The following UBE2E2 variants were observed in gnomAD, a reference collection of about 807,000 sequenced individuals.
The protein encoded by UBE2E2 is ubiquitin-conjugating enzyme E2 E2.
In UBE2E2, 6 loss-of-function variants were observed where a neutral mutation model predicts 24.7. The ratio of observed to expected loss-of-function variants is 0.24; its 90% CI spans 0.13 to 0.48. The LOEUF is 0.48. UBE2E2 is among the 20% of genes least tolerant of loss of function. UBE2E2 has a pLI of 0.99. For synonymous variants in UBE2E2, 104 were observed against 83.6 expected (o/e 1.24, Z -1.33); for missense variants, 169 against 245.0 (o/e 0.69, Z 2.07).
At chr3:23,532,921 T>TA (rs879324034) in intron 5 of UBE2E2, among the ~76,000 whole-genome samples, 36 of 151,954 alleles carry the variant, frequency 2.4e-4, no homozygotes, top group African/African-American at 4.1e-4. Flanking sequence ...TATAGTGTGG[T>TA]AAAAAAAATA....
intron 5 of UBE2E2, among the ~76,000 whole-genome samples, chr3:23,544,109 TG>T (rs764185790): frequency 6.6e-6 from 1 of 152,192 alleles, no homozygotes; most frequent in Non-Finnish European, 1.5e-5. Context: ...ATAAAAATTC[TG>T]GAAGAAAACC....
chr3:23,507,726 C>A (rs534976799), intron 4 of UBE2E2, among the ~76,000 whole-genome samples: 1 of 152,172 alleles, frequency 6.6e-6, no homozygotes, highest in East Asian at 1.9e-4. Context: ...GGATTATACA[C>A]TCTGGTATGA....
At chr3:23,428,380 G>A (rs1697978640) in intron 3 of UBE2E2, among the ~76,000 whole-genome samples, 1 of 152,092 alleles carries the variant, frequency 6.6e-6, no homozygotes, top group East Asian at 1.9e-4. Flanking sequence ...AGAATTTGTG[G>A]GATGCAACGA....
At chr3:23,362,514 G>C (rs927416680) in intron 3 of UBE2E2, among the ~76,000 whole-genome samples, 3 of 152,182 alleles carry the variant, frequency 2.0e-5, no homozygotes, top group Non-Finnish European at 2.9e-5. Flanking sequence ...CCTGCTGGAT[G>C]AGGCTTGGTG....
intron 3 of UBE2E2, among the ~76,000 whole-genome samples, chr3:23,360,831 T>C (rs976209165): frequency 3.3e-5 from 5 of 151,586 alleles, no homozygotes; most frequent in African/African-American, 1.2e-4. Context: ...AATTTCTAAA[T>C]AAATGGGACC....
At chr3:23,258,422 G>A (rs1697797051) in intron 3 of UBE2E2, among the ~76,000 whole-genome samples, 1 of 152,174 alleles carries the variant, frequency 6.6e-6, no homozygotes, top group Non-Finnish European at 1.5e-5. Context: ...ACGGACTTTA[G>A]TATGGCCTGT....
chr3:23,334,266 T>C (rs879320019), intron 3 of UBE2E2, among the ~76,000 whole-genome samples: 2 of 152,180 alleles, frequency 1.3e-5, no homozygotes, highest in Non-Finnish European at 2.9e-5. Flanking sequence ...TACTTTATTC[T>C]AGTAAAACTT....
At chr3:23,577,331 A>G (rs748867338) in intron 5 of UBE2E2, among the ~76,000 whole-genome samples, 3 of 67,046 alleles carry the variant, frequency 4.5e-5, no homozygotes, top group Non-Finnish European at 8.1e-5. Context: ...GGAATGATTT[A>G]AAAAAAAAAA....
intron 4 of UBE2E2, among the ~76,000 whole-genome samples, chr3:23,515,952 G>A (rs1317623084): frequency 1.3e-5 from 2 of 152,168 alleles, no homozygotes; most frequent in East Asian, 3.8e-4. Flanking sequence ...CTGGGCAACA[G>A]AGGGAGACCC....
chr3:23,567,710 G>C (rs1002302103), intron 5 of UBE2E2, among the ~76,000 whole-genome samples: 3 of 152,120 alleles, frequency 2.0e-5, no homozygotes, highest in South Asian at 2.1e-4. Flanking sequence ...GTCTAGTCTG[G>C]AAGAACCTGC....
At chr3:23,229,116 A>C (rs1212910347) in intron 3 of UBE2E2, among the ~76,000 whole-genome samples, 2 of 152,172 alleles carry the variant, frequency 1.3e-5, no homozygotes, top group African/African-American at 4.8e-5. Context: ...CCTGCATTTC[A>C]GGTAGCATTC....
At chr3:23,512,592 A>G (rs1241554399) in intron 4 of UBE2E2, among the ~76,000 whole-genome samples, 1 of 151,896 alleles carries the variant, frequency 6.6e-6, no homozygotes, top group Non-Finnish European at 1.5e-5. Flanking sequence ...TTTTGCCTCT[A>G]TTTTTGTGGA....
At chr3:23,467,916 T>G (rs1267284236) in intron 3 of UBE2E2, among the ~76,000 whole-genome samples, 1 of 152,124 alleles carries the variant, frequency 6.6e-6, no homozygotes, top group East Asian at 1.9e-4. Context: ...TGGGAGGTGC[T>G]ACAAACTTTC....
At chr3:23,400,670 G>A (rs1358998838) in intron 3 of UBE2E2, among the ~76,000 whole-genome samples, 3 of 143,434 alleles carry the variant, frequency 2.1e-5, no homozygotes, top group Non-Finnish European at 4.6e-5. Flanking sequence ...CTATAATTAA[G>A]TACAGGAATT....
At chr3:23,554,943 G>A (rs184767857) in intron 5 of UBE2E2, among the ~76,000 whole-genome samples, 140 of 151,150 alleles carry the variant, frequency 9.3e-4, no homozygotes, top group Admixed American at 1.7e-3. Context: ...TTGAGATGGA[G>A]TATGGCTCTG....
intron 4 of UBE2E2, 138 bp from the exon 5 acceptor site, chr3:23,532,416 A>G (rs1489596906): frequency 7.6e-6 from 5 of 660,190 alleles, no homozygotes. Flanking sequence ...TGCCCAAGAA[A>G]AAAATCAAGT....
At chr3:23,441,368 CAAAAAAAAA>C (rs752204801) in intron 3 of UBE2E2, among the ~76,000 whole-genome samples, 3 of 103,254 alleles carry the variant, frequency 2.9e-5, no homozygotes, top group African/African-American at 1.1e-4. Context: ...ACTAAAAATC[CAAAAAAAAA>C]AAAAAAAAAA....
intron 3 of UBE2E2, among the ~76,000 whole-genome samples, chr3:23,237,765 A>G (rs1697152896): frequency 1.3e-5 from 2 of 152,254 alleles, no homozygotes; most frequent in South Asian, 4.2e-4. Context: ...TGGGCCTGCC[A>G]CCATCAATAG....
At chr3:23,350,904 C>T (rs926769311) in intron 3 of UBE2E2, among the ~76,000 whole-genome samples, 17 of 152,026 alleles carry the variant, frequency 1.1e-4, no homozygotes, top group African/African-American at 3.4e-4. Flanking sequence ...AGATACTCCT[C>T]GAGAAGAGCA....
Sources: allele counts gnomAD v4.1 joint callset (sites outside exome capture counted in the v4.1 genomes callset), GRCh38; gene constraint gnomAD v4.1.1; transcripts MANE v1.5; gene names NCBI Gene and HGNC (gene_info 2026-07-23, HGNC 2026-07-21).